RBFOX1: variants seen among roughly 807,000 people sequenced by gnomAD.
RBFOX1 encodes the protein RNA binding protein fox-1 homolog 1.
Under a neutral mutation model 57.7 loss-of-function variants are expected in RBFOX1, and 8 were observed. The observed-to-expected ratio is 0.14, with a 90% CI of 0.08 to 0.25. RBFOX1 has a LOEUF of 0.25. Among genes scored for constraint, RBFOX1 ranks in the 10% least tolerant of loss-of-function variants. The pLI, the probability that RBFOX1 is intolerant of heterozygous loss-of-function variation, is 1.00. For synonymous variants in RBFOX1, 326 were observed against 222.4 expected (o/e 1.47, Z -4.15); for missense variants, 611 against 548.5 (o/e 1.11, Z -1.14).
chr16:7,060,726 A>T (rs1397740937), intron 4 of RBFOX1, among the ~76,000 whole-genome samples: 1 of 152,176 alleles, frequency 6.6e-6, no homozygotes, highest in East Asian at 1.9e-4. Context: ...TGACATTTCC[A>T]CGTATACATC....
At chr16:7,186,998 A>C (rs1488916144) in intron 4 of RBFOX1, among the ~76,000 whole-genome samples, 15 of 137,288 alleles carry the variant, frequency 1.1e-4, no homozygotes, top group African/African-American at 3.8e-4. Flanking sequence ...CCTCCACAAA[A>C]AAAAAAAAAA....
chr16:6,910,725 C>T (rs952625426), intron 3 of RBFOX1, among the ~76,000 whole-genome samples: 9 of 152,298 alleles, frequency 5.9e-5, no homozygotes, highest in African/African-American at 1.9e-4. Context: ...AACATCATTT[C>T]CTAAAGTAGC....
intron 4 of RBFOX1, among the ~76,000 whole-genome samples, chr16:7,267,907 A>G (rs1261018228): frequency 6.6e-6 from 1 of 152,188 alleles, no homozygotes; most frequent in Non-Finnish European, 1.5e-5. Context: ...AGTCAGAAGC[A>G]CTTCAGTACA....
At chr16:7,399,944 T>C (rs930978331) in intron 4 of RBFOX1, among the ~76,000 whole-genome samples, 1 of 152,224 alleles carries the variant, frequency 6.6e-6, no homozygotes, top group Non-Finnish European at 1.5e-5. Flanking sequence ...CTGTGGGCGA[T>C]GACTATGTAC....
chr16:6,803,965 G>A (rs140796244), intron 3 of RBFOX1, among the ~76,000 whole-genome samples: 2 of 152,006 alleles, frequency 1.3e-5, no homozygotes, highest in Admixed American at 6.6e-5. Context: ...ATATTTGCAC[G>A]TTATAACATA....
chr16:6,601,101 GA>G (rs2097847459), intron 2 of RBFOX1, among the ~76,000 whole-genome samples: 1 of 152,190 alleles, frequency 6.6e-6, no homozygotes, highest in South Asian at 2.1e-4. Context: ...ACAGCTTAGG[GA>G]TTTAAGTAAC....
chr16:5,464,645 G>A (rs114472497), intron 1 of RBFOX1, among the ~76,000 whole-genome samples: 1 of 152,264 alleles, frequency 6.6e-6, no homozygotes, highest in African/African-American at 2.4e-5. Context: ...GCCACGAGAG[G>A]CCTCCTCTGT....
chr16:5,267,953 CA>C (rs1567256837), intron 1 of RBFOX1, among the ~76,000 whole-genome samples: 1 of 152,130 alleles, frequency 6.6e-6, no homozygotes, highest in Non-Finnish European at 1.5e-5. Context: ...GTGGCACACA[CA>C]TGTAGTCCCA....
chr16:7,155,991 T>TTA (rs1014540027), intron 4 of RBFOX1, among the ~76,000 whole-genome samples: 20 of 150,962 alleles, frequency 1.3e-4, no homozygotes, highest in African/African-American at 4.1e-4. Flanking sequence ...CAGATATGTT[T>TTA]TATATATATA....
At chr16:6,814,772 G>T (rs1948061165) in intron 3 of RBFOX1, among the ~76,000 whole-genome samples, 1 of 152,108 alleles carries the variant, frequency 6.6e-6, no homozygotes, top group East Asian at 1.9e-4. Context: ...GGCTAGAGTT[G>T]AGGTTGGATA....
intron 3 of RBFOX1, among the ~76,000 whole-genome samples, chr16:6,982,993 TAAAAA>T (rs370173635): frequency 3.7e-4 from 29 of 79,360 alleles, no homozygotes; most frequent in African/African-American, 1.2e-3. Context: ...AGACTCTGTC[TAAAAA>T]AAAAAAAAAA....
chr16:6,881,606 G>C (rs1211075106), intron 3 of RBFOX1, among the ~76,000 whole-genome samples: 1 of 152,130 alleles, frequency 6.6e-6, no homozygotes, highest in Admixed American at 6.5e-5. Flanking sequence ...CCCACTCTGA[G>C]GACCTGACTT....
At chr16:5,317,448 A>T (rs1351088241) in intron 1 of RBFOX1, among the ~76,000 whole-genome samples, 1 of 152,134 alleles carries the variant, frequency 6.6e-6, no homozygotes, top group Non-Finnish European at 1.5e-5. Context: ...TCTCTACTAA[A>T]AATACAAAAA....
At chr16:7,019,002 A>G (rs187752104) in intron 3 of RBFOX1, among the ~76,000 whole-genome samples, 258 of 152,186 alleles carry the variant, frequency 1.7e-3, no homozygotes, top group African/African-American at 5.9e-3. Context: ...AAGAAGAAGC[A>G]AAAAGAAAGC....
chr16:6,830,040 C>T (rs979409717), intron 3 of RBFOX1, among the ~76,000 whole-genome samples: 1 of 152,076 alleles, frequency 6.6e-6, no homozygotes, highest in Non-Finnish European at 1.5e-5. Flanking sequence ...CCTCAGCCTC[C>T]CAAGTAACTA....
chr16:6,483,758 G>T (rs1022872096), intron 2 of RBFOX1: 6 of 1,419,750 alleles, frequency 4.2e-6, no homozygotes, highest in Non-Finnish European at 5.5e-6. Context: ...AGGAGCAGCC[G>T]TCAGCCGCTG....
chr16:7,114,140 T>C (rs1300710151), intron 4 of RBFOX1, among the ~76,000 whole-genome samples: 1 of 152,190 alleles, frequency 6.6e-6, no homozygotes, highest in East Asian at 1.9e-4. Flanking sequence ...AGTTTTTAAC[T>C]TTCAGTTGTA....
intron 14 of RBFOX1, among the ~76,000 whole-genome samples, chr16:7,705,656 G>A (rs2082198603): frequency 6.6e-6 from 1 of 152,200 alleles, no homozygotes; most frequent in Non-Finnish European, 1.5e-5. Flanking sequence ...TTTAAGCGGG[G>A]AGTCATAGGA....
At chr16:6,797,023 G>C (rs933739524) in intron 3 of RBFOX1, among the ~76,000 whole-genome samples, 3 of 152,118 alleles carry the variant, frequency 2.0e-5, no homozygotes, top group African/African-American at 7.2e-5. Context: ...GTCAAGATTT[G>C]GACTGCTGGT....
Sources: allele counts gnomAD v4.1 joint callset (sites outside exome capture counted in the v4.1 genomes callset), GRCh38; gene constraint gnomAD v4.1.1; transcripts MANE v1.5; gene names NCBI Gene and HGNC (gene_info 2026-07-23, HGNC 2026-07-21).